ZSCAN25: variants seen among roughly 807,000 people sequenced by gnomAD.
ZSCAN25 encodes the protein zinc finger and SCAN domain-containing protein 25.
Under a neutral mutation model 38.7 loss-of-function variants are expected in ZSCAN25, and 27 were observed. The ratio of observed to expected loss-of-function variants is 0.70; its 90% CI spans 0.51 to 0.96. ZSCAN25 has a LOEUF of 0.96. ZSCAN25 is among the 40% of genes least tolerant of loss of function. ZSCAN25 has a pLI of 0.00. For missense variants in ZSCAN25, 637 were observed against 705.9 expected (o/e 0.90, Z 1.11); for synonymous variants, 273 against 277.7 (o/e 0.98, Z 0.17).
the ZSCAN25 span, chr7:99,713,507 A>G: frequency 3.7e-5 from 59 of 1,613,356 alleles, no homozygotes; most frequent in African/African-American, 5.3e-5. Flanking sequence ...CTGAGAGTCA[A>G]TCATCAGCTG....
chr7:99,688,100 A>G, the ZSCAN25 span, among the ~76,000 whole-genome samples: 1 of 152,192 alleles, frequency 6.6e-6, no homozygotes, highest in Non-Finnish European at 1.5e-5. Flanking sequence ...AGGCTAGGAA[A>G]AAAATGCATC....
Position 99,622,584 on chromosome 7 carries a change from G to A in ZSCAN25, c.625G>A (p.Ala209Thr), listed in dbSNP as rs371604988. The change falls in exon 6 of 8, where the codon GCA becomes ACA. Residue 209 changes from alanine to threonine, a missense_variant. By Grantham distance (58) the Ala-to-Thr change is moderately conservative. Coordinates refer to ENST00000394152, the MANE Select transcript of ZSCAN25 (RefSeq NM_145115.3). ...TCTGCAGGCGGGTCCTGGCCTCCCCGCAGTGAATCCCAGAGACCAAGAGAT... is the reference window on the plus strand; with the variant it reads ...TCTGCAGGCGGGTCCTGGCCTCCCCACAGTGAATCCCAGAGACCAAGAGAT... Reference protein sequence around the residue: ...PVLQAGPGLPAVNPRDQEMAA... With the variant: ...PVLQAGPGLPTVNPRDQEMAA... 24 of 1,614,040 alleles carry A rather than the reference G, an allele frequency of 1.5e-5. No homozygotes were observed. Among genetic ancestry groups the A allele is most frequent in the African/African-American group, 9.3e-5 (7 of 75,026 alleles).
Position 99,629,290 on chromosome 7 carries a change from A to G in ZSCAN25, c.905A>G (p.Gln302Arg). 1 of 1,614,156 alleles carries G rather than the reference A, an allele frequency of 6.2e-7. No individual in the cohort carries two copies. Among genetic ancestry groups the G allele is most frequent in the Non-Finnish European group, 8.5e-7 (1 of 1,180,006 alleles). Residue 302 changes from glutamine to arginine, a missense_variant, in exon 8 of 8, where the codon CAG becomes CGG. Gln to Arg is a conservative substitution (Grantham distance 43). Transcript: ENST00000394152. This position sits in a 1 kb window ranked among gnomAD's most constrained non-coding sequence, Gnocchi z 5.6. ...GAGAGGTTTGGGGAAGCCTCTCTCC[A>G]GGGCCCTGGGCTCGGAAGGGTCTGT... ...TSERFGEASLQGPGLGRVCEQ... is the reference protein window; with the variant it reads ...TSERFGEASLRGPGLGRVCEQ...
the ZSCAN25 span, chr7:99,708,922 A>T: frequency 1.6e-6 from 2 of 1,257,908 alleles, no homozygotes; most frequent in Non-Finnish European, 2.3e-6. Context: ...AAAACCTTTT[A>T]AACATAAAAA....
At chr7:99,722,564 C>T in the ZSCAN25 span, among the ~76,000 whole-genome samples, 251 of 152,146 alleles carry the variant, frequency 1.6e-3, no homozygotes, top group Non-Finnish European at 1.2e-3. Flanking sequence ...TAAGTGTTGT[C>T]GATACTGAAT....
At chr7:99,657,390 G>T in the ZSCAN25 span, among the ~76,000 whole-genome samples, 6 of 152,216 alleles carry the variant, frequency 3.9e-5, no homozygotes, top group Non-Finnish European at 5.9e-5. Flanking sequence ...TAGTTGAGCG[G>T]TTTTGAGTGA....
the ZSCAN25 span, among the ~76,000 whole-genome samples, chr7:99,684,166 A>G: frequency 3.5e-5 from 5 of 143,766 alleles, no homozygotes; most frequent in African/African-American, 1.4e-4. Flanking sequence ...TCAAAAAGGC[A>G]TAATTTTTTT....
chr7:99,665,393 A>G, the ZSCAN25 span: 6 of 1,551,710 alleles, frequency 3.9e-6, no homozygotes, highest in Non-Finnish European at 5.3e-6. Context: ...AGAAACCCAC[A>G]TATCCAGTCA....
rs755887270 is a variant in ZSCAN25, at chr7:99,629,170, T to C, written c.806-21T>C. On this transcript the variant is annotated intron_variant, in intron 7 of 7. Coordinates refer to ENST00000394152, the MANE Select transcript of ZSCAN25 (RefSeq NM_145115.3). This position sits in a 1 kb window ranked among gnomAD's most constrained non-coding sequence, Gnocchi z 5.6. ...CCTGCGGCTACCACAGAATCAATCT[T>C]TATCTCCTCCTGTCCTGTAGGCGGT... The C allele has an allele frequency of 8.3e-6, 13 of 1,573,054 alleles. No homozygotes were observed. In the Admixed American group the frequency reaches 1.9e-4, roughly 23 times the overall value.
the ZSCAN25 span, chr7:99,676,413 T>C: frequency 6.7e-7 from 1 of 1,496,832 alleles, no homozygotes; most frequent in African/African-American, 1.4e-5. Flanking sequence ...TCTCAATGAT[T>C]AGCTGAAAGC....
the ZSCAN25 span, chr7:99,713,565 A>G: frequency 1.9e-6 from 3 of 1,612,954 alleles, no homozygotes; most frequent in Non-Finnish European, 2.5e-6. Context: ...TTTTATTGAC[A>G]GAAAGTGACT....
the ZSCAN25 span, chr7:99,659,764 C>T: frequency 1.3e-5 from 2 of 153,738 alleles, no homozygotes; most frequent in East Asian, 3.8e-4. Flanking sequence ...CTACTCAAGC[C>T]TTAGCAATGG....
intron 3 of ZSCAN25, 126 bp from the exon 4 acceptor site, chr7:99,619,435 A>T: frequency 1.4e-6 from 1 of 735,658 alleles, no homozygotes; most frequent in Non-Finnish European, 2.2e-6. Context: ...GACTTTTGGG[A>T]TCTGTGTTCA....
At chr7:99,684,468 A>C in the ZSCAN25 span, among the ~76,000 whole-genome samples, 1 of 152,152 alleles carries the variant, frequency 6.6e-6, no homozygotes, top group Non-Finnish European at 1.5e-5. Flanking sequence ...GTGCTTGGTC[A>C]AAAAAGGCAT....
chr7:99,708,054 G>T, the ZSCAN25 span: 15 of 1,596,264 alleles, frequency 9.4e-6, no homozygotes, highest in Non-Finnish European at 1.3e-5. Flanking sequence ...TCTTACTTAG[G>T]GCCCACCCCT....
intron 4 of ZSCAN25, 95 bp downstream of exon 4, chr7:99,620,088 G>T (rs1291766994): frequency 1.4e-6 from 2 of 1,441,694 alleles, no homozygotes; most frequent in Admixed American, 2.7e-5. Context: ...AGTGGACGAG[G>T]TGTGGAGCCG....
At chr7:99,722,303 CT>C in the ZSCAN25 span, 1 of 1,613,510 alleles carries the variant, frequency 6.2e-7, no homozygotes, top group Non-Finnish European at 8.5e-7. Flanking sequence ...CACCCCCAGA[CT>C]TTTCTATACT....
chr7:99,712,115 G>A, the ZSCAN25 span, among the ~76,000 whole-genome samples: 1 of 152,134 alleles, frequency 6.6e-6, no homozygotes, highest in Admixed American at 6.5e-5. Flanking sequence ...GCTCAGGATG[G>A]CCCATCACTG....
the ZSCAN25 span, among the ~76,000 whole-genome samples, chr7:99,692,855 G>A: frequency 2.0e-5 from 3 of 152,106 alleles, no homozygotes; most frequent in South Asian, 4.1e-4. Flanking sequence ...CCTTTAGCTC[G>A]GATAAGTTTG....
Sources: allele counts gnomAD v4.1 joint callset (sites outside exome capture counted in the v4.1 genomes callset), GRCh38; gene constraint gnomAD v4.1.1; non-coding constraint Gnocchi (gnomAD v3.1); transcripts MANE v1.5; gene names NCBI Gene and HGNC (gene_info 2026-07-23, HGNC 2026-07-21).